MICOS13: variants seen among roughly 807,000 people sequenced by gnomAD.
MICOS13 encodes the protein MICOS complex subunit MIC13.
Under a neutral mutation model 16.1 loss-of-function variants are expected in MICOS13, and 15 were observed. The observed-to-expected ratio is 0.93, with a 90% CI of 0.62 to 1.44. The LOEUF (loss-of-function observed/expected upper bound fraction) is 1.44, where lower values mean the gene tolerates loss of function less well. Among genes scored for constraint, MICOS13 ranks in the 40% most tolerant of loss-of-function variants. The probability of loss-of-function intolerance (pLI) is 0.00; values close to 1 mark genes in which losing one functional copy is unlikely to be tolerated. For synonymous variants in MICOS13, 61 were observed against 62.6 expected (o/e 0.97, Z 0.12); for missense variants, 164 against 155.0 (o/e 1.06, Z -0.31).
chr19:5,678,683 C>A, intron 3 of MICOS13, 35 bp from the exon 4 acceptor site: 1 of 1,463,730 alleles, frequency 6.8e-7, no homozygotes, highest in South Asian at 1.3e-5. Context: ...TGATACTCCC[C>A]TCCCAGCCTC....
intron 3 of MICOS13, chr19:5,678,883 A>G: frequency 2.1e-6 from 1 of 478,350 alleles, no homozygotes; most frequent in Non-Finnish European, 3.7e-6. Context: ...CTGGGACTAC[A>G]AGTGCGCCAC....
intron 1 of MICOS13, chr19:5,680,177 T>A: frequency 6.5e-7 from 1 of 1,536,794 alleles, no homozygotes; most frequent in Non-Finnish European, 8.7e-7. Flanking sequence ...TTCACCGGCA[T>A]TCCCACCTCA....
At chr19:5,680,366 C>G (rs777676376) in intron 1 of MICOS13, 92 bp downstream of exon 1, 1 of 1,603,916 alleles carries the variant, frequency 6.2e-7, no homozygotes, top group African/African-American at 1.3e-5. Context: ...CTAAGGGAAG[C>G]GAAGAGCAGA....
At position 5,680,475 on chromosome 19, in the gene MICOS13, C is replaced by G; in HGVS notation, c.12G>C (p.Arg4=). MVA[R]VWSLMRFLIK... Reference sequence around the variant, plus strand: ...CCACGCACCTCATCAGCGACCACACCCGGGCCACCATGGTCGCTCGGATCC... The same window carrying G: ...CCACGCACCTCATCAGCGACCACACGCGGGCCACCATGGTCGCTCGGATCC... The change falls in exon 1 of 4, where the codon CGG becomes CGC. Residue 4 remains arginine (R), a synonymous_variant. Transcript: ENST00000309324. The G allele has an allele frequency of 1.2e-6, 2 of 1,608,768 alleles. No individual in the cohort carries two copies. The highest frequency in any genetic ancestry group is 1.7e-6 in the Non-Finnish European group (2 of 1,178,822).
Position 5,678,599 on chromosome 19 carries a change from G to T in MICOS13, c.309C>A (p.Arg103=), listed in dbSNP as rs770955603. The T allele has an allele frequency of 5.2e-6, 8 of 1,548,302 alleles. No individual in the cohort carries two copies. The African/African-American group carries it at 5.5e-5, about 11-fold the overall frequency. ...ACTCCCAGCCCTCCTTGGAGTACTC[G>T]CGGGCCTTGGAGGGGGCCACCGACA... ...SALSVAPSKA[R]EYSKEGWEYV... Residue 103 remains arginine (R), a synonymous_variant, in exon 4 of 4, where the codon CGC becomes CGA. Coordinates refer to ENST00000309324, the MANE Select transcript of MICOS13 (RefSeq NM_205767.3).
Position 5,678,434 on chromosome 19 carries a change from C to T in MICOS13, c.*117G>A, listed in dbSNP as rs958281610. 2.0e-6 allele frequency: 2 copies of T among 1,002,638 alleles called. No homozygotes were observed. Among genetic ancestry groups the T allele is most frequent in the Non-Finnish European group, 3.0e-6 (2 of 676,250 alleles). 62.1% of individuals were successfully genotyped at this position (1,002,638 alleles called of 1,614,324 possible). ...ACGGGTCAGGGAACACTTCTGAAGT[C>T]CTTTATTGGGCCGGCAAGGCCGGGA... On this transcript the variant is annotated 3_prime_UTR_variant, in exon 4 of 4. Transcript: ENST00000309324.
rs1407611048 is a variant in MICOS13, at chr19:5,679,715, G to C, written c.78C>G (p.Tyr26Ter). 3 of 1,609,508 alleles carry C rather than the reference G, an allele frequency of 1.9e-6. No individual in the cohort carries two copies. The highest frequency in any genetic ancestry group is 1.7e-6 in the Non-Finnish European group (2 of 1,179,174). ...CGCTGGGCCCCAGCAGCTCCTGGTC[G>C]TACACCAGGTAGACGGCGCCCCCAG... ...SVAGGAVYLV[Y>*]DQELLGPSDK... The change falls in exon 2 of 4, where the codon TAC (tyrosine) becomes TAG (stop). Residue 26 changes from tyrosine to a stop codon, truncating the protein, a stop_gained. Coordinates refer to ENST00000309324, the MANE Select transcript of MICOS13 (RefSeq NM_205767.3). LOFTEE classifies it high-confidence loss of function.
chr19:5,680,139 TC>T, intron 1 of MICOS13: 1 of 1,536,058 alleles, frequency 6.5e-7, no homozygotes, highest in Non-Finnish European at 8.7e-7. Context: ...GAGCACGCAT[TC>T]ACTTCTCATC....
chr19:5,678,497 G>C lies in MICOS13; in HGVS notation c.*54C>G. On this transcript the variant is annotated 3_prime_UTR_variant, in exon 4 of 4. Transcript: ENST00000309324. ...GTGGGGTCCCAGTCCGGAGTCTTCA[G>C]GTCAGTGGCAGCCCTGCCCGTTCTG... is the stretch of plus-strand genomic sequence containing the variant. The C allele has an allele frequency of 1.3e-6, 2 of 1,490,646 alleles. No individual in the cohort carries two copies. The highest frequency in any genetic ancestry group is 1.8e-6 in the Non-Finnish European group (2 of 1,096,682). 92.3% of individuals were successfully genotyped at this position (1,490,646 alleles called of 1,614,324 possible). A position where few individuals can be genotyped will look rare whatever the true frequency, so the allele number is the denominator to read the frequency against.
At chr19:5,680,084 C>T in intron 1 of MICOS13, 2 of 1,534,156 alleles carry the variant, frequency 1.3e-6, no homozygotes. Flanking sequence ...CCTGGAGAAA[C>T]CAAGTGTCCC....
At position 5,679,682 on chromosome 19, in the gene MICOS13, G is replaced by T; in HGVS notation, c.111C>A (p.Ser37Arg). ...CCCCAGCCTTCTGTAGGGCTGCCTG[G>T]CTCTTGTCGCTGGGCCCCAGCAGCT... ...DQELLGPSDK[S>R]QAALQKAGEV... Residue 37 changes from serine to arginine, a missense_variant, in exon 2 of 4, where the codon AGC (serine) becomes AGA (arginine). Physicochemically the swap from Ser to Arg is moderately radical, Grantham distance 110. Transcript: ENST00000309324. 2 of 1,610,336 alleles carry T rather than the reference G, an allele frequency of 1.2e-6. No homozygotes were observed. Among genetic ancestry groups the T allele is most frequent in the Non-Finnish European group, 8.5e-7 (1 of 1,179,216 alleles).
Sources: gnomAD v4.1 joint callset for allele counts on GRCh38, gnomAD v4.1.1 for gene constraint, MANE v1.5 for transcripts, NCBI Gene and HGNC (gene_info 2026-07-23, HGNC 2026-07-21) for gene names.